The following AMOTL1 variants were observed in gnomAD, a reference collection of about 807,000 sequenced individuals.
AMOTL1 encodes the protein angiomotin-like protein 1.
AMOTL1 carries 45 observed loss-of-function variants against 102.9 expected under a neutral mutation model. That is an observed-to-expected ratio of 0.44 (90% CI 0.34 to 0.56). AMOTL1 has a LOEUF of 0.56. Among genes scored for constraint, AMOTL1 ranks in the 20% least tolerant of loss-of-function variants. AMOTL1 has a pLI of 0.01. For missense variants in AMOTL1, 1,114 were observed against 1,225.6 expected (o/e 0.91, Z 1.36); for synonymous variants, 481 against 484.7 (o/e 0.99, Z 0.10).
intron 1 of AMOTL1, among the ~76,000 whole-genome samples, chr11:94,717,753 C>T (rs117660513): frequency 4.9e-4 from 74 of 151,484 alleles, no homozygotes; most frequent in Non-Finnish European, 9.4e-4. Flanking sequence ...TAAATGAAAT[C>T]AGAATACAAC....
At chr11:94,847,273 G>T (rs1592029545) in intron 6 of AMOTL1, among the ~76,000 whole-genome samples, 1 of 152,204 alleles carries the variant, frequency 6.6e-6, no homozygotes, top group African/African-American at 2.4e-5. Flanking sequence ...GTCGCGGCTT[G>T]TAAGCGAGCA....
At chr11:94,838,092 C>T (rs1023499268) in intron 6 of AMOTL1, among the ~76,000 whole-genome samples, 1 of 152,130 alleles carries the variant, frequency 6.6e-6, no homozygotes, top group African/African-American at 2.4e-5. Flanking sequence ...TATATACTCC[C>T]CCAGCACTGT....
At chr11:94,739,504 T>A (rs1950486520) in intron 2 of AMOTL1, among the ~76,000 whole-genome samples, 1 of 152,088 alleles carries the variant, frequency 6.6e-6, no homozygotes, top group Non-Finnish European at 1.5e-5. Flanking sequence ...AACCAAAAAC[T>A]GACAGTGGAA....
At chr11:94,820,686 A>G (rs945424788) in intron 3 of AMOTL1, among the ~76,000 whole-genome samples, 3 of 152,206 alleles carry the variant, frequency 2.0e-5, no homozygotes, top group African/African-American at 7.2e-5. Context: ...GCAACTCACC[A>G]TAATGTAGAA....
intron 3 of AMOTL1, among the ~76,000 whole-genome samples, chr11:94,743,292 G>A (rs1037918440): frequency 1.3e-5 from 2 of 152,210 alleles, no homozygotes; most frequent in Non-Finnish European, 1.5e-5. Flanking sequence ...GTAAGCCAAA[G>A]GAGGCCTATA....
intron 5 of AMOTL1, among the ~76,000 whole-genome samples, chr11:94,830,658 A>C (rs977174476): frequency 1.3e-5 from 2 of 152,224 alleles, no homozygotes; most frequent in African/African-American, 2.4e-5. Flanking sequence ...CCTGGGGGGA[A>C]AAAGTCCCCA....
In AMOTL1 at chr11:94,707,232, CTCTCTCTCTCTCTCTCTCTGTG is replaced by C. The variant is rs1394824429; in HGVS notation, c.-51+637_-51+658del. On this transcript the variant is annotated intron_variant, in intron 1 of 4. Transcript: ENST00000299004. The stretch of plus-strand genomic sequence containing the variant: ...ACATGAGGTCTCTCTCTCTCTCTCT[CTCTCTCTCTCTCTCTCTCTGTG>C]TGTGTGTGTGTGTGTGTGTGTGTGT... Among the ~76,000 whole-genome samples the C allele has an allele frequency of 1.6e-4, 20 of 121,516 alleles. No homozygotes were observed. In the East Asian group the frequency reaches 1.9e-3, roughly 11 times the overall value. The allele number at this position is 121,516 out of a possible 152,430, so 79.7% of individuals were successfully genotyped here.
intron 6 of AMOTL1, among the ~76,000 whole-genome samples, chr11:94,840,109 A>G (rs1952266251): frequency 6.6e-6 from 1 of 152,240 alleles, no homozygotes; most frequent in South Asian, 2.1e-4. Flanking sequence ...AAAGAAAGAA[A>G]GAAAGAGAAA....
intron 1 of AMOTL1, among the ~76,000 whole-genome samples, chr11:94,721,752 T>C (rs1191073925): frequency 1.3e-5 from 2 of 152,154 alleles, no homozygotes; most frequent in Non-Finnish European, 2.9e-5. Flanking sequence ...TATTTTGTTA[T>C]AGCAGCTGGA....
At chr11:94,761,728 C>T (rs1460686137) in intron 3 of AMOTL1, among the ~76,000 whole-genome samples, 1 of 152,146 alleles carries the variant, frequency 6.6e-6, no homozygotes, top group African/African-American at 2.4e-5. Context: ...ACAAATTTTT[C>T]TCCTGAATGG....
At chr11:94,834,649 G>A (rs1952137331) in intron 6 of AMOTL1, among the ~76,000 whole-genome samples, 2 of 152,182 alleles carry the variant, frequency 1.3e-5, no homozygotes, top group Non-Finnish European at 2.9e-5. Context: ...GTTAGGCTGT[G>A]AAGCTTCTGC....
chr11:94,785,435 AT>A (rs1286407328), intron 1 of AMOTL1, among the ~76,000 whole-genome samples: 1 of 152,180 alleles, frequency 6.6e-6, no homozygotes, highest in East Asian at 1.9e-4. Context: ...GATAAATAAT[AT>A]GATTTTTATA....
chr11:94,799,200 T>C lies in AMOTL1; in HGVS notation c.200-190T>C, dbSNP rs1951420963. Among the ~76,000 whole-genome samples, 1 of 152,008 alleles carries C rather than the reference T, an allele frequency of 6.6e-6. No individual in the cohort carries two copies. Among genetic ancestry groups the C allele is most frequent in the Admixed American group, 6.6e-5 (1 of 15,266 alleles). On this transcript the variant is annotated intron_variant, in intron 2 of 12. Coordinates refer to ENST00000433060, the MANE Select transcript of AMOTL1 (RefSeq NM_130847.3). The surrounding 1 kb of genome is among the most constrained non-coding windows in gnomAD (Gnocchi z 4.5). ...GAAGCAGAGGAGAGGGAGTGCAGAA[T>C]AGTAGACTCGCTTTGAATTGGAGAA...
chr11:94,770,865 C>G (rs1166224185), intron 1 of AMOTL1, among the ~76,000 whole-genome samples: 1 of 152,076 alleles, frequency 6.6e-6, no homozygotes, highest in Admixed American at 6.5e-5. Context: ...TGCCCTGGGC[C>G]AGTTAGTCTA....
intron 2 of AMOTL1, among the ~76,000 whole-genome samples, chr11:94,739,965 AT>A (rs1950493623): frequency 2.6e-5 from 4 of 152,156 alleles, no homozygotes; most frequent in Non-Finnish European, 5.9e-5. Context: ...AAAGCAGTCA[AT>A]CTTTTATAGA....
intron 3 of AMOTL1, among the ~76,000 whole-genome samples, chr11:94,744,079 A>G (rs1950561864): frequency 6.6e-6 from 1 of 152,146 alleles, no homozygotes; most frequent in African/African-American, 2.4e-5. Context: ...ACCACTACCC[A>G]GAGTTAGCAC....
At chr11:94,787,146 T>C (rs998821800) in intron 1 of AMOTL1, among the ~76,000 whole-genome samples, 4 of 151,480 alleles carry the variant, frequency 2.6e-5, no homozygotes, top group African/African-American at 9.7e-5. Context: ...CATATAGAAA[T>C]TGGGGGGAGG....
chr11:94,812,469 C>T (rs1030456627), intron 3 of AMOTL1, among the ~76,000 whole-genome samples: 1 of 152,042 alleles, frequency 6.6e-6, no homozygotes, highest in Non-Finnish European at 1.5e-5. Flanking sequence ...GTCGCTTATG[C>T]CTTAGTCTTG....
chr11:94,845,710 G>A (rs774814926), intron 6 of AMOTL1, among the ~76,000 whole-genome samples: 1 of 152,128 alleles, frequency 6.6e-6, no homozygotes, highest in African/African-American at 2.4e-5. Flanking sequence ...AAACCAGGTC[G>A]GCCTGGCCAC....
Sources: allele counts gnomAD v4.1 joint callset (sites outside exome capture counted in the v4.1 genomes callset), GRCh38; gene constraint gnomAD v4.1.1; non-coding constraint Gnocchi (gnomAD v3.1); transcripts MANE v1.5; gene names NCBI Gene and HGNC (gene_info 2026-07-23, HGNC 2026-07-21).